The following MB21D2 variants were observed in gnomAD, a reference collection of about 807,000 sequenced individuals.
The protein encoded by MB21D2 is Mab-21 domain containing 2, also known as nucleotidyltransferase MB21D2.
In MB21D2, 9 loss-of-function variants were observed where a neutral mutation model predicts 33.3. The observed-to-expected ratio is 0.27, with a 90% CI of 0.16 to 0.47. The LOEUF (loss-of-function observed/expected upper bound fraction) is 0.47, where lower values mean the gene tolerates loss of function less well. Among genes scored for constraint, MB21D2 ranks in the 20% least tolerant of loss-of-function variants. MB21D2 has a pLI of 0.99. For missense variants in MB21D2, 540 were observed against 624.6 expected, an observed-to-expected ratio of 0.86 and a Z score of 1.44; for synonymous variants, 241 against 236.3, an observed-to-expected ratio of 1.02 and a Z score of -0.18.
At chr3:192,836,017 G>A (rs966366537) in intron 1 of MB21D2, among the ~76,000 whole-genome samples, 3 of 152,132 alleles carry the variant, frequency 2.0e-5, no homozygotes, top group Non-Finnish European at 4.4e-5. Context: ...TTGGAGTGAG[G>A]CAATAGTGAG....
At chr3:192,864,423 C>A (rs1398814603) in intron 1 of MB21D2, among the ~76,000 whole-genome samples, 1 of 152,192 alleles carries the variant, frequency 6.6e-6, no homozygotes, top group Non-Finnish European at 1.5e-5. Context: ...GCTGTCCAGG[C>A]TGCTCTTGAG....
chr3:192,910,447 C>T (rs138452421), intron 1 of MB21D2, among the ~76,000 whole-genome samples: 1 of 152,208 alleles, frequency 6.6e-6, no homozygotes, highest in African/African-American at 2.4e-5. Flanking sequence ...CATTGCACTC[C>T]AGCCTGGGCA....
At chr3:192,889,056 C>T (rs1713794099) in intron 1 of MB21D2, among the ~76,000 whole-genome samples, 2 of 152,052 alleles carry the variant, frequency 1.3e-5, no homozygotes, top group African/African-American at 4.8e-5. Context: ...AAAGAACCCA[C>T]CCAAGTCCCT....
chr3:192,835,448 T>G (rs989134133), intron 1 of MB21D2, among the ~76,000 whole-genome samples: 1 of 104,790 alleles, frequency 9.5e-6, no homozygotes, highest in Non-Finnish European at 1.8e-5. Flanking sequence ...ACAGCGAGAC[T>G]CTGTCTCAAA....
intron 1 of MB21D2, among the ~76,000 whole-genome samples, chr3:192,822,608 A>G (rs1712085570): frequency 6.6e-6 from 1 of 152,214 alleles, no homozygotes; most frequent in Non-Finnish European, 1.5e-5. Context: ...ATTCCCGATG[A>G]GCCAGTGATT....
At chr3:192,917,434 TAAGGA>T (rs1406374035) in intron 1 of MB21D2, among the ~76,000 whole-genome samples, 191 bp downstream of exon 1, 1 of 151,564 alleles carries the variant, frequency 6.6e-6, no homozygotes, top group Admixed American at 6.6e-5. Context: ...TAAAGTATAG[TAAGGA>T]GGGGAGGGCA....
intron 1 of MB21D2, among the ~76,000 whole-genome samples, chr3:192,814,164 T>C (rs887363982): frequency 1.3e-5 from 2 of 152,214 alleles, no homozygotes; most frequent in African/African-American, 4.8e-5. Context: ...GATATGTTAA[T>C]AAGTCTTAGA....
chr3:192,901,279 C>CT (rs1342036985), intron 1 of MB21D2, among the ~76,000 whole-genome samples: 1 of 151,910 alleles, frequency 6.6e-6, no homozygotes, highest in Non-Finnish European at 1.5e-5. Context: ...CCTGTTGAGA[C>CT]TTTATTGCGG....
At chr3:192,908,435 G>C (rs1238960477) in intron 1 of MB21D2, among the ~76,000 whole-genome samples, 1 of 143,548 alleles carries the variant, frequency 7.0e-6, no homozygotes, top group Non-Finnish European at 1.5e-5. Context: ...GTCTCCCTCT[G>C]TCGCCCAGGC....
chr3:192,812,151 A>G, intron 1 of MB21D2, among the ~76,000 whole-genome samples: 1 of 151,804 alleles, frequency 6.6e-6, no homozygotes, highest in Admixed American at 6.6e-5. Context: ...AGGTTCAAGC[A>G]ATTCTCCTGC....
At chr3:192,844,677 A>G (rs1327344455) in intron 1 of MB21D2, among the ~76,000 whole-genome samples, 1 of 152,170 alleles carries the variant, frequency 6.6e-6, no homozygotes, top group Non-Finnish European at 1.5e-5. Context: ...GAGCTCCCCA[A>G]TTCTGATGGG....
chr3:192,859,072 C>G (rs114396120), intron 1 of MB21D2, among the ~76,000 whole-genome samples: 1,834 of 152,266 alleles, frequency 0.012, 33 homozygotes, highest in African/African-American at 0.042. Context: ...GCAACTTCCA[C>G]AGCAAAGCCA....
intron 1 of MB21D2, among the ~76,000 whole-genome samples, chr3:192,864,129 C>T (rs1299111546): frequency 6.6e-6 from 1 of 152,200 alleles, no homozygotes; most frequent in African/African-American, 2.4e-5. Context: ...GGAAAGCTTT[C>T]TGTAAAGTTT....
intron 1 of MB21D2, among the ~76,000 whole-genome samples, chr3:192,864,054 G>T (rs1196984550): frequency 3.9e-5 from 6 of 152,174 alleles, no homozygotes; most frequent in Non-Finnish European, 8.8e-5. Context: ...TGCTGTGACA[G>T]AGGCATTTAC....
At chr3:192,850,777 A>G (rs550643264) in intron 1 of MB21D2, among the ~76,000 whole-genome samples, 185 of 152,346 alleles carry the variant, frequency 1.2e-3, no homozygotes, top group African/African-American at 4.1e-3. Flanking sequence ...ATGACAAAGT[A>G]CAGCACACTG....
chr3:192,907,300 C>T (rs1051050580), intron 1 of MB21D2, among the ~76,000 whole-genome samples: 5 of 151,864 alleles, frequency 3.3e-5, no homozygotes, highest in Non-Finnish European at 7.3e-5. Flanking sequence ...TGTATTTACT[C>T]ATTCCACTCT....
intron 1 of MB21D2, among the ~76,000 whole-genome samples, chr3:192,841,344 T>G (rs1712568540): frequency 6.6e-6 from 1 of 152,234 alleles, no homozygotes; most frequent in Non-Finnish European, 1.5e-5. Flanking sequence ...CCTCTCACCT[T>G]GTATCAAAGG....
intron 1 of MB21D2, among the ~76,000 whole-genome samples, chr3:192,904,731 G>A (rs1714170527): frequency 1.3e-5 from 2 of 152,220 alleles, no homozygotes; most frequent in African/African-American, 2.4e-5. Context: ...ACGGGCAGGT[G>A]TTGAAGGGCA....
chr3:192,909,980 G>A (rs1714308912), intron 1 of MB21D2, among the ~76,000 whole-genome samples: 1 of 145,378 alleles, frequency 6.9e-6, no homozygotes, highest in Admixed American at 6.9e-5. Flanking sequence ...GAGAGAGAGA[G>A]AGAAAAGAGC....
Sources: allele counts gnomAD v4.1 joint callset (sites outside exome capture counted in the v4.1 genomes callset), GRCh38; gene constraint gnomAD v4.1.1; transcripts MANE v1.5; gene names NCBI Gene and HGNC (gene_info 2026-07-23, HGNC 2026-07-21).